Variants in DCC observed in about 807,000 individuals in gnomAD.
DCC encodes netrin receptor DCC.
Under a neutral mutation model 172.5 loss-of-function variants are expected in DCC, and 58 were observed. That is an observed-to-expected ratio of 0.34 (90% CI 0.27 to 0.42). DCC has a LOEUF of 0.42. DCC is among the 10% of genes least tolerant of loss of function. The pLI, the probability that DCC is intolerant of heterozygous loss-of-function variation, is 1.00. For synonymous variants in DCC, 709 were observed against 644.5 expected (o/e 1.10, Z -1.52); for missense variants, 1,740 against 1,791.0 (o/e 0.97, Z 0.51).
At chr18:52,672,044 CCAAT>C (rs2035563347) in intron 1 of DCC, among the ~76,000 whole-genome samples, 2 of 152,090 alleles carry the variant, frequency 1.3e-5, no homozygotes, top group South Asian at 4.1e-4. Flanking sequence ...TTTGGCATAA[CCAAT>C]CAGTTTAGGT....
At chr18:53,424,073 A>G (rs187507278) in intron 21 of DCC, among the ~76,000 whole-genome samples, 158 of 152,340 alleles carry the variant, frequency 1.0e-3, no homozygotes, top group African/African-American at 3.5e-3. Flanking sequence ...TAAATGCTAA[A>G]TAGAAAAACA....
intron 1 of DCC, among the ~76,000 whole-genome samples, chr18:52,733,466 T>A (rs779916108): frequency 6.6e-6 from 1 of 152,086 alleles, no homozygotes; most frequent in African/African-American, 2.4e-5. Context: ...TTCAAGTTAG[T>A]GTCAGGAGGT....
At chr18:53,348,399 C>T (rs1431311833) in intron 15 of DCC, among the ~76,000 whole-genome samples, 1 of 152,178 alleles carries the variant, frequency 6.6e-6, no homozygotes, top group African/African-American at 2.4e-5. Flanking sequence ...AAGCTCCACT[C>T]CTGTGGTTTT....
intron 2 of DCC, among the ~76,000 whole-genome samples, chr18:52,777,927 C>T (rs1263108282): frequency 2.0e-5 from 3 of 152,144 alleles, no homozygotes; most frequent in Non-Finnish European, 2.9e-5. Context: ...ACAAGGACAG[C>T]AGTCTCTTCT....
intron 1 of DCC, among the ~76,000 whole-genome samples, chr18:52,634,175 G>A (rs1056282946): frequency 3.3e-5 from 5 of 152,234 alleles, no homozygotes; most frequent in Non-Finnish European, 7.3e-5. Context: ...TGATGTGTCT[G>A]CCAAGGCATG....
chr18:52,705,043 C>T (rs887225180), intron 1 of DCC, among the ~76,000 whole-genome samples: 1 of 152,138 alleles, frequency 6.6e-6, no homozygotes, highest in Non-Finnish European at 1.5e-5. Context: ...ACAGCTGCGT[C>T]TCTGGCATTA....
At chr18:52,692,082 G>A (rs2035937669) in intron 1 of DCC, among the ~76,000 whole-genome samples, 1 of 152,144 alleles carries the variant, frequency 6.6e-6, no homozygotes, top group African/African-American at 2.4e-5. Context: ...AGTGATGTGA[G>A]CTTGTGGGGA....
chr18:52,876,883 C>A (rs989754270), intron 2 of DCC, among the ~76,000 whole-genome samples: 1 of 152,166 alleles, frequency 6.6e-6, no homozygotes, highest in African/African-American at 2.4e-5. Flanking sequence ...AGTTTATCAT[C>A]TCTTGTCGCA....
intron 1 of DCC, among the ~76,000 whole-genome samples, chr18:52,625,460 G>A (rs941632696): frequency 4.0e-5 from 6 of 151,890 alleles, no homozygotes; most frequent in Non-Finnish European, 7.4e-5. Context: ...CTACTATTGG[G>A]GTCAATCTTT....
At chr18:53,300,584 A>G (rs559129522) in intron 12 of DCC, among the ~76,000 whole-genome samples, 11 of 152,190 alleles carry the variant, frequency 7.2e-5, no homozygotes, top group African/African-American at 2.7e-4. Context: ...GGTATCATTA[A>G]ATAGAAACAC....
intron 1 of DCC, among the ~76,000 whole-genome samples, chr18:52,375,529 C>T (rs1300857053): frequency 6.6e-6 from 1 of 152,098 alleles, no homozygotes; most frequent in Non-Finnish European, 1.5e-5. Flanking sequence ...AGGAACAATT[C>T]TTGGCATGCT....
chr18:53,500,751 C>G (rs889841605), intron 27 of DCC, among the ~76,000 whole-genome samples: 1 of 151,784 alleles, frequency 6.6e-6, no homozygotes, highest in Non-Finnish European at 1.5e-5. Context: ...GACGCACGTT[C>G]CACTATGGAG....
intron 1 of DCC, among the ~76,000 whole-genome samples, chr18:52,608,465 TAAAG>T (rs2034183951): frequency 6.6e-6 from 1 of 152,204 alleles, no homozygotes; most frequent in Middle Eastern, 3.4e-3. Context: ...AACCAATTCC[TAAAG>T]AAAGAAGGAG....
chr18:53,462,200 T>C (rs1013608459), intron 24 of DCC, among the ~76,000 whole-genome samples: 3 of 152,182 alleles, frequency 2.0e-5, no homozygotes, highest in African/African-American at 7.2e-5. Flanking sequence ...ACTCAACCCC[T>C]GGACCATGGA....
chr18:53,522,996 A>C (rs1489867424), intron 27 of DCC, among the ~76,000 whole-genome samples: 3 of 152,224 alleles, frequency 2.0e-5, no homozygotes, highest in Non-Finnish European at 2.9e-5. Context: ...GAATGGGAGA[A>C]ATTTTTTGCA....
intron 13 of DCC, among the ~76,000 whole-genome samples, chr18:53,317,681 ACTT>A (rs1252694486): frequency 6.6e-6 from 1 of 152,122 alleles, no homozygotes; most frequent in Non-Finnish European, 1.5e-5. Flanking sequence ...CAGGGATTCG[ACTT>A]CTTCCTGGTT....
chr18:53,153,036 C>G (rs573313931), intron 7 of DCC, among the ~76,000 whole-genome samples: 2 of 152,258 alleles, frequency 1.3e-5, no homozygotes, highest in South Asian at 4.1e-4. Context: ...TTGCCCTCCT[C>G]TCTGGCACTC....
chr18:53,343,085 A>G (rs2057681161), intron 15 of DCC, among the ~76,000 whole-genome samples: 1 of 151,596 alleles, frequency 6.6e-6, no homozygotes, highest in Non-Finnish European at 1.5e-5. Context: ...ATTATCTAAA[A>G]TTTTCTGTTT....
chr18:52,711,235 T>C (rs903229993), intron 1 of DCC, among the ~76,000 whole-genome samples: 8 of 152,176 alleles, frequency 5.3e-5, no homozygotes, highest in Non-Finnish European at 1.0e-4. Context: ...TTTATTTGTT[T>C]TTTTATTTTG....
Sources: allele counts gnomAD v4.1 joint callset (sites outside exome capture counted in the v4.1 genomes callset), GRCh38; gene constraint gnomAD v4.1.1; transcripts MANE v1.5; gene names NCBI Gene and HGNC (gene_info 2026-07-23, HGNC 2026-07-21).